The following MAN2A1 variants were observed in gnomAD, a reference collection of about 807,000 sequenced individuals.
The protein encoded by MAN2A1 is alpha-mannosidase 2.
A neutral mutation model predicts 142.6 loss-of-function variants in MAN2A1; 76 were observed. The ratio of observed to expected loss-of-function variants is 0.53; its 90% CI spans 0.44 to 0.65. MAN2A1 has a LOEUF of 0.65. Among genes scored for constraint, MAN2A1 ranks in the 30% least tolerant of loss-of-function variants. The probability of loss-of-function intolerance (pLI) is 0.00; values close to 1 mark genes in which losing one functional copy is unlikely to be tolerated. For missense variants in MAN2A1, 1,311 were observed against 1,365.1 expected, an observed-to-expected ratio of 0.96 and a Z score of 0.62; for synonymous variants, 559 against 473.2, an observed-to-expected ratio of 1.18 and a Z score of -2.35.
chr5:109,752,597 G>T (rs1038187739), intron 4 of MAN2A1, among the ~76,000 whole-genome samples: 1 of 151,912 alleles, frequency 6.6e-6, no homozygotes, highest in Non-Finnish European at 1.5e-5. Flanking sequence ...TAGATAGAAT[G>T]GGGGGTACAG....
chr5:109,805,155 C>CA (rs1246729316), intron 12 of MAN2A1, among the ~76,000 whole-genome samples: 3 of 152,100 alleles, frequency 2.0e-5, no homozygotes, highest in African/African-American at 7.2e-5. Context: ...AGGCAAAACT[C>CA]AGAGAAAGCA....
chr5:109,842,235 T>C, intron 16 of MAN2A1, 93 bp from the exon 17 acceptor site: 1 of 714,308 alleles, frequency 1.4e-6, no homozygotes, highest in South Asian at 2.7e-5. Flanking sequence ...AACAAGAAAA[T>C]GTAACTTTGG....
intron 16 of MAN2A1, among the ~76,000 whole-genome samples, chr5:109,824,448 G>T (rs531045913): frequency 1.3e-5 from 2 of 152,158 alleles, no homozygotes; most frequent in Non-Finnish European, 2.9e-5. Flanking sequence ...TGGAGCTGTG[G>T]TTTCCAAAGA....
chr5:109,789,608 C>T (rs528282922), intron 12 of MAN2A1, 81 bp downstream of exon 12: 42 of 911,816 alleles, frequency 4.6e-5, no homozygotes, highest in South Asian at 4.0e-4. Context: ...TTTTAGTTAG[C>T]GTATATTTTG....
At chr5:109,758,505 C>T (rs1752752026) in intron 5 of MAN2A1, among the ~76,000 whole-genome samples, 1 of 151,250 alleles carries the variant, frequency 6.6e-6, no homozygotes, top group Non-Finnish European at 1.5e-5. Flanking sequence ...TTTTAGTGCA[C>T]AAGTTTTAAT....
At chr5:109,745,162 T>G (rs1390656509) in intron 4 of MAN2A1, among the ~76,000 whole-genome samples, 1 of 152,158 alleles carries the variant, frequency 6.6e-6, no homozygotes. Context: ...TTGGTGGAAG[T>G]AGTCTATATT....
intron 1 of MAN2A1, among the ~76,000 whole-genome samples, chr5:109,707,966 A>G (rs1751183011): frequency 1.3e-5 from 2 of 152,122 alleles, no homozygotes; most frequent in Admixed American, 1.3e-4. Context: ...TCTGTTTTTC[A>G]GGGGTGAGGT....
intron 15 of MAN2A1, among the ~76,000 whole-genome samples, chr5:109,822,014 C>T (rs1754637221): frequency 6.6e-6 from 1 of 151,868 alleles, no homozygotes; most frequent in Non-Finnish European, 1.5e-5. Context: ...AGCTAGGGAC[C>T]TATCTCCTGA....
chr5:109,800,908 T>C (rs923509408), intron 12 of MAN2A1, among the ~76,000 whole-genome samples: 1 of 152,202 alleles, frequency 6.6e-6, no homozygotes, highest in African/African-American at 2.4e-5. Context: ...GGCAATTAAA[T>C]AATTTATCCA....
At chr5:109,815,274 G>A (rs192352821) in intron 12 of MAN2A1, among the ~76,000 whole-genome samples, 121 of 152,264 alleles carry the variant, frequency 7.9e-4, no homozygotes, top group African/African-American at 2.8e-3. Context: ...CAAATAGATT[G>A]ACAAATCTCT....
At chr5:109,737,294 G>T (rs1752131226) in intron 4 of MAN2A1, among the ~76,000 whole-genome samples, 2 of 151,964 alleles carry the variant, frequency 1.3e-5, no homozygotes, top group South Asian at 4.1e-4. Flanking sequence ...GTTTCACCAT[G>T]TTGGCCAGGC....
At chr5:109,837,155 A>C (rs921396771) in intron 16 of MAN2A1, among the ~76,000 whole-genome samples, 4 of 149,884 alleles carry the variant, frequency 2.7e-5, no homozygotes, top group African/African-American at 9.9e-5. Flanking sequence ...GCTCACCATT[A>C]TGTACATCTC....
chr5:109,869,190 G>A lies in MAN2A1; in HGVS notation c.*2192G>A, dbSNP rs574376436. ...ACTGATTAAATAATTTAATGTCTCT[G>A]GCACACACTAAAAACCATACACTTC... On this transcript the variant is annotated 3_prime_UTR_variant, in exon 22 of 22. Transcript: ENST00000261483. 116 of 152,240 alleles carry A rather than the reference G, an allele frequency of 7.6e-4. No individual in the cohort carries two copies. The highest frequency in any genetic ancestry group is 2.8e-3 in the African/African-American group (115 of 41,540). The allele number at this position is 152,240 out of a possible 1,614,324, so 9.4% of individuals were successfully genotyped here.
intron 10 of MAN2A1, among the ~76,000 whole-genome samples, chr5:109,787,442 T>A (rs1442682900): frequency 1.3e-5 from 2 of 152,044 alleles, no homozygotes; most frequent in Non-Finnish European, 2.9e-5. Context: ...AAAAATCCTG[T>A]ATTAATGAAA....
chr5:109,736,949 T>G (rs1752118038), intron 4 of MAN2A1, among the ~76,000 whole-genome samples: 2 of 152,172 alleles, frequency 1.3e-5, no homozygotes, highest in Admixed American at 6.5e-5. Context: ...TCCTACATAT[T>G]TAATAACTGT....
At chr5:109,715,826 A>G (rs973553587) in intron 2 of MAN2A1, among the ~76,000 whole-genome samples, 4 of 152,074 alleles carry the variant, frequency 2.6e-5, no homozygotes, top group African/African-American at 9.7e-5. Flanking sequence ...ATAAATTTCT[A>G]TTAAATTGTT....
chr5:109,798,326 T>C (rs1753916940), intron 12 of MAN2A1, among the ~76,000 whole-genome samples: 1 of 152,198 alleles, frequency 6.6e-6, no homozygotes, highest in African/African-American at 2.4e-5. Flanking sequence ...CTTCACTTAC[T>C]ATCAGTGTAC....
At chr5:109,864,424 C>CA (rs1315286125) in intron 20 of MAN2A1, 5 of 152,136 alleles carry the variant, frequency 3.3e-5, no homozygotes, top group African/African-American at 1.2e-4. Context: ...GCCTGCCTAT[C>CA]AACAATAGCT....
rs1751359744 is a variant in MAN2A1 at position 109,713,465 on chromosome 5, C to T, written c.136-55C>T. 18 of 1,464,346 alleles carry T rather than the reference C, an allele frequency of 1.2e-5. No individual in the cohort carries two copies. The South Asian group carries it at 2.1e-4, about 17-fold the overall frequency. The allele number at this position is 1,464,346 out of a possible 1,614,324, so 90.7% of individuals were successfully genotyped here. A position where few individuals can be genotyped will look rare whatever the true frequency, so the allele number is the denominator to read the frequency against. ...AATTTAAAAAAAAAAATGTGTATGC[C>T]TCAGCAGATCTATATTAGTATTTCA... On this transcript the variant is annotated intron_variant, in intron 1 of 21. Coordinates refer to ENST00000261483, the MANE Select transcript of MAN2A1 (RefSeq NM_002372.4).
Sources: allele counts gnomAD v4.1 joint callset (sites outside exome capture counted in the v4.1 genomes callset), GRCh38; gene constraint gnomAD v4.1.1; transcripts MANE v1.5; gene names NCBI Gene and HGNC (gene_info 2026-07-23, HGNC 2026-07-21).